The following SORCS3 variants were observed in gnomAD, a reference collection of about 807,000 sequenced individuals.
The protein encoded by SORCS3 is sortilin related VPS10 domain containing receptor 3.
A neutral mutation model predicts 146.3 loss-of-function variants in SORCS3; 57 were observed. That is an observed-to-expected ratio of 0.39 (90% CI 0.31 to 0.49). The LOEUF is 0.49. SORCS3 is among the 20% of genes least tolerant of loss of function. SORCS3 has a pLI of 0.92. For synonymous variants in SORCS3, 653 were observed against 618.5 expected (o/e 1.06, Z -0.83); for missense variants, 1,341 against 1,575.5 (o/e 0.85, Z 2.52).
chr10:104,746,447 A>T (rs2016912932), intron 1 of SORCS3, among the ~76,000 whole-genome samples: 1 of 152,230 alleles, frequency 6.6e-6, no homozygotes, highest in African/African-American at 2.4e-5. Flanking sequence ...AAATGTTTTC[A>T]ATGTGAAGTG....
intron 1 of SORCS3, among the ~76,000 whole-genome samples, chr10:104,773,918 T>G (rs1396854123): frequency 1.3e-5 from 2 of 152,194 alleles, no homozygotes; most frequent in Non-Finnish European, 2.9e-5. Flanking sequence ...ACCTGGGAGC[T>G]TGTTGGAAAG....
At position 104,696,496 on chromosome 10, in the gene SORCS3, T is replaced by TATAGA. The variant is rs1415826701; in HGVS notation, c.627+54545_627+54546insGAATA. 4.5e-4 allele frequency among the ~76,000 whole-genome samples: 10 copies of TATAGA among 22,140 alleles called. 1 individual carries two copies. The highest frequency in any genetic ancestry group is 6.8e-4 in the African/African-American group (5 of 7,350). 14.5% of individuals were successfully genotyped at this position (22,140 alleles called of 152,430 possible). ...AGAATATAGAATATATAATATATAA[T>TATAGA]ATATATAATATATAATATATAATAT... On this transcript the variant is annotated intron_variant, in intron 1 of 26. Transcript: ENST00000369701.
At chr10:105,076,008 G>A (rs561074236) in intron 5 of SORCS3, among the ~76,000 whole-genome samples, 1 of 152,350 alleles carries the variant, frequency 6.6e-6, no homozygotes, top group South Asian at 2.1e-4. Context: ...GTGTGGAAAT[G>A]AGTGTGTGTG....
intron 1 of SORCS3, among the ~76,000 whole-genome samples, chr10:104,746,238 G>A (rs1473573039): frequency 6.6e-6 from 1 of 151,196 alleles, no homozygotes; most frequent in Non-Finnish European, 1.5e-5. Context: ...CCAGGTTCAC[G>A]CCATTCTCCT....
intron 3 of SORCS3, among the ~76,000 whole-genome samples, chr10:104,965,087 C>T (rs2054818841): frequency 6.6e-6 from 1 of 152,166 alleles, no homozygotes; most frequent in South Asian, 2.1e-4. Context: ...GTAGTGTATA[C>T]CACATTTTGT....
At chr10:104,697,593 A>G (rs145370478) in intron 1 of SORCS3, among the ~76,000 whole-genome samples, 2 of 152,096 alleles carry the variant, frequency 1.3e-5, no homozygotes, top group Non-Finnish European at 2.9e-5. Context: ...ATGCTAGGAG[A>G]GTTGGTGTTT....
chr10:105,201,346 A>G, intron 16 of SORCS3, 93 bp downstream of exon 16: 17 of 1,454,992 alleles, frequency 1.2e-5, no homozygotes, highest in South Asian at 4.2e-5. Flanking sequence ...GAGAGGAAGC[A>G]TGACGCAGAG....
At chr10:105,048,068 AC>A in intron 5 of SORCS3, among the ~76,000 whole-genome samples, 1 of 152,000 alleles carries the variant, frequency 6.6e-6, no homozygotes, top group Non-Finnish European at 1.5e-5. Flanking sequence ...AAATAGGAAC[AC>A]TTTTACACTG....
chr10:104,902,282 G>A (rs1260436018), intron 2 of SORCS3, among the ~76,000 whole-genome samples: 2 of 152,168 alleles, frequency 1.3e-5, no homozygotes, highest in African/African-American at 4.8e-5. Context: ...TGGGACTCTG[G>A]CTCCTGTCAG....
rs2056572822 is a variant in SORCS3, at chr10:105,201,221, A to T, written c.2229A>T (p.Glu743Asp). 1 of 1,610,082 alleles carries T rather than the reference A, an allele frequency of 6.2e-7. No individual in the cohort carries two copies. The highest frequency in any genetic ancestry group is 1.3e-5 in the African/African-American group (1 of 74,768). The change falls in exon 16 of 27, where the codon GAA becomes GAT. Residue 743 changes from glutamate to aspartate, a missense_variant. By Grantham distance (45) the Glu-to-Asp change is conservative (BLOSUM62 2). Coordinates refer to ENST00000369701, the MANE Select transcript of SORCS3 (RefSeq NM_014978.3). ...GRDHSGSVVS[E>D]PCVCANWDFE... The stretch of plus-strand genomic sequence containing the variant: ...ACCACTCAGGATCAGTGGTCTCAGA[A>T]CCCTGTGTCTGTGCCAATTGGGACT...
At chr10:105,155,093 T>C (rs2056197027) in intron 9 of SORCS3, among the ~76,000 whole-genome samples, 1 of 152,176 alleles carries the variant, frequency 6.6e-6, no homozygotes, top group Non-Finnish European at 1.5e-5. Context: ...TTTCTACATC[T>C]TTTTAGTCCC....
chr10:104,960,945 T>C (rs1389114600), intron 3 of SORCS3, among the ~76,000 whole-genome samples: 1 of 152,194 alleles, frequency 6.6e-6, no homozygotes, highest in Non-Finnish European at 1.5e-5. Flanking sequence ...TTAGCCATAA[T>C]GGATGCTGTG....
At chr10:104,791,418 G>T (rs1464339941) in intron 1 of SORCS3, among the ~76,000 whole-genome samples, 1 of 152,196 alleles carries the variant, frequency 6.6e-6, no homozygotes, top group Non-Finnish European at 1.5e-5. Context: ...GAAGCTGTCG[G>T]GTTCAGCCTT....
chr10:104,859,018 C>T (rs907428541), intron 2 of SORCS3, among the ~76,000 whole-genome samples: 5 of 150,962 alleles, frequency 3.3e-5, no homozygotes, highest in Admixed American at 1.3e-4. Flanking sequence ...TGAAATTAAA[C>T]GAGAAATATT....
At chr10:105,193,364 G>A (rs967363273) in intron 14 of SORCS3, among the ~76,000 whole-genome samples, 1 of 152,180 alleles carries the variant, frequency 6.6e-6, no homozygotes, top group Non-Finnish European at 1.5e-5. Context: ...TTTGGAAGAA[G>A]TGAATGATTT....
chr10:105,205,423 A>G (rs1374176647), intron 16 of SORCS3, among the ~76,000 whole-genome samples: 2 of 152,198 alleles, frequency 1.3e-5, no homozygotes, highest in Admixed American at 1.3e-4. Context: ...ATGTTTCAGC[A>G]TAAGAGCCTC....
intron 4 of SORCS3, among the ~76,000 whole-genome samples, chr10:105,004,420 A>G (rs548741366): frequency 9.8e-5 from 15 of 152,294 alleles, no homozygotes; most frequent in African/African-American, 3.4e-4. Flanking sequence ...AGGGGCAAGG[A>G]CAGGAAACCA....
At chr10:105,137,915 CTA>C (rs1199198419) in intron 7 of SORCS3, among the ~76,000 whole-genome samples, 1 of 149,670 alleles carries the variant, frequency 6.7e-6, no homozygotes, top group East Asian at 1.9e-4. Flanking sequence ...CTAATGGTGA[CTA>C]TGTGTTCAGA....
intron 19 of SORCS3, 28 bp downstream of exon 19, chr10:105,217,150 C>G: frequency 1.2e-6 from 2 of 1,610,198 alleles, no homozygotes; most frequent in South Asian, 1.1e-5. Context: ...TCCCCGTTTT[C>G]CCTTTGTTCC....
Sources: gnomAD v4.1 joint callset for allele counts (sites outside exome capture counted in the v4.1 genomes callset) on GRCh38, gnomAD v4.1.1 for gene constraint, MANE v1.5 for transcripts, NCBI Gene and HGNC (gene_info 2026-07-23, HGNC 2026-07-21) for gene names.